The following ZNF652 variants were observed in gnomAD, a reference collection of about 807,000 sequenced individuals.
ZNF652 encodes the protein zinc finger protein 652.
In ZNF652, 16 loss-of-function variants were observed where a neutral mutation model predicts 45.2. That is an observed-to-expected ratio of 0.35 (90% CI 0.24 to 0.54). The LOEUF (loss-of-function observed/expected upper bound fraction) is 0.54. Ranked by LOEUF, ZNF652 falls within the 20% of genes least tolerant of loss-of-function variation. The pLI, the probability that ZNF652 is intolerant of heterozygous loss-of-function variation, is 0.91. For synonymous variants in ZNF652, 250 were observed against 260.6 expected, an observed-to-expected ratio of 0.96 and a Z score of 0.39; for missense variants, 614 against 765.6, an observed-to-expected ratio of 0.80 and a Z score of 2.34.
At position 49,292,480 on chromosome 17, in the gene ZNF652, A is replaced by G. The variant is rs1196158618; in HGVS notation, c.*5933T>C. Among the ~76,000 whole-genome samples the G allele has an allele frequency of 6.6e-6, 1 of 152,234 alleles. No individual in the cohort carries two copies. Among genetic ancestry groups the G allele is most frequent in the Non-Finnish European group, 1.5e-5 (1 of 68,036 alleles). On this transcript the variant is annotated 3_prime_UTR_variant, in exon 6 of 6. Coordinates refer to ENST00000430262, the MANE Select transcript of ZNF652 (RefSeq NM_001145365.3). ...ACAGAAGTTTTTGAGGGACAGGGCC[A>G]TGAGAGAGCAGAAACCCAGGGAGCA...
chr17:49,324,804 G>A (rs987656787), intron 1 of ZNF652, among the ~76,000 whole-genome samples: 3 of 138,656 alleles, frequency 2.2e-5, no homozygotes, highest in Admixed American at 7.6e-5. Context: ...GCAGTGGTGC[G>A]ACCTCAGCTC....
At chr17:49,326,747 T>C (rs2069960014) in intron 1 of ZNF652, among the ~76,000 whole-genome samples, 1 of 152,214 alleles carries the variant, frequency 6.6e-6, no homozygotes, top group Non-Finnish European at 1.5e-5. Flanking sequence ...ACAGGAGTAC[T>C]TATTTTTATT....
intron 1 of ZNF652, among the ~76,000 whole-genome samples, chr17:49,347,053 G>A (rs2070212184): frequency 6.6e-6 from 1 of 152,174 alleles, no homozygotes; most frequent in Admixed American, 6.5e-5. Context: ...AGTATCAAAG[G>A]ATTAATAAGA....
At chr17:49,362,260 G>A (rs2070409203), upstream of ZNF652, 1 of 149,506 alleles carries the variant, frequency 6.7e-6, no homozygotes, top group Non-Finnish European at 1.5e-5. Flanking sequence ...CGGCGGCGAG[G>A]ACGCGCGCGC....
intron 1 of ZNF652, among the ~76,000 whole-genome samples, chr17:49,352,340 A>T (rs1224081709): frequency 6.6e-6 from 1 of 152,120 alleles, no homozygotes; most frequent in Non-Finnish European, 1.5e-5. Context: ...CTTATAATAT[A>T]TCCAAAATAA....
At chr17:49,312,097 T>TA in intron 3 of ZNF652, 55 bp from the exon 4 acceptor site, 1 of 1,143,194 alleles carries the variant, frequency 8.7e-7, no homozygotes, top group Non-Finnish European at 1.2e-6. Flanking sequence ...AAGCTCAAAC[T>TA]AAAAAGGCAT....
At chr17:49,353,734 T>C (rs28618326) in intron 1 of ZNF652, among the ~76,000 whole-genome samples, 64,903 of 152,046 alleles carry the variant, frequency 0.43, 14,207 homozygotes, top group East Asian at 0.48. Flanking sequence ...GGTGTAGGTA[T>C]GAATGTGAAT....
At chr17:49,341,431 T>C (rs1218616329) in intron 1 of ZNF652, among the ~76,000 whole-genome samples, 2 of 132,528 alleles carry the variant, frequency 1.5e-5, no homozygotes, top group African/African-American at 2.9e-5. Flanking sequence ...GGTGGAAAGA[T>C]CACTTGAGCC....
In ZNF652 at chr17:49,297,489, T is replaced by C. The variant is rs926099175; in HGVS notation, c.*924A>G. ...TGCACTAACGAAGCCAAGCAGAACA[T>C]GGAGGACAGGAGCACATTAGGGAGC... is the stretch of plus-strand genomic sequence containing the variant. On this transcript the variant is annotated 3_prime_UTR_variant, in exon 6 of 6. Coordinates refer to ENST00000430262, the MANE Select transcript of ZNF652 (RefSeq NM_001145365.3). The C allele has an allele frequency of 6.6e-6, 1 of 152,432 alleles. No homozygotes were observed. The highest frequency in any genetic ancestry group is 1.5e-5 in the Non-Finnish European group (1 of 68,030). The allele number at this position is 152,432 out of a possible 1,614,324, so 9.4% of individuals were successfully genotyped here. A position where few individuals can be genotyped will look rare whatever the true frequency, so the allele number is the denominator to read the frequency against.
chr17:49,342,416 G>C (rs1034422353), intron 1 of ZNF652, among the ~76,000 whole-genome samples: 6 of 152,000 alleles, frequency 3.9e-5, no homozygotes, highest in Non-Finnish European at 7.4e-5. Context: ...GTTAAGACCA[G>C]AACAGCTTTT....
chr17:49,290,240 A>G lies in ZNF652; in HGVS notation c.*8173T>C, dbSNP rs1364133402. 6.6e-6 allele frequency: 1 copy of G among 152,206 alleles called. No individual in the cohort carries two copies. The highest frequency in any genetic ancestry group is 2.4e-5 in the African/African-American group (1 of 41,436). 9.4% of individuals were successfully genotyped at this position (152,206 alleles called of 1,614,324 possible). ...AATGCCTCCCGGCTCTACAGGGGGT[A>G]ATATTTACTGTCGTCTTTTCCCTTC... is the stretch of plus-strand genomic sequence containing the variant. On this transcript the variant is annotated 3_prime_UTR_variant, in exon 6 of 6. Coordinates refer to ENST00000430262, the MANE Select transcript of ZNF652 (RefSeq NM_001145365.3).
chr17:49,302,784 A>G (rs2069572458), intron 5 of ZNF652, among the ~76,000 whole-genome samples: 1 of 151,782 alleles, frequency 6.6e-6, no homozygotes, highest in Non-Finnish European at 1.5e-5. Flanking sequence ...CAACATGGTG[A>G]AACTCCATCT....
chr17:49,350,993 ATATATATATATATATATATATACACACAC>A (rs2070268617), intron 1 of ZNF652, among the ~76,000 whole-genome samples: 1 of 21,324 alleles, frequency 4.7e-5, no homozygotes, highest in African/African-American at 1.8e-4. Flanking sequence ...ATATATATAT[ATATATATATATATATATATATACACACAC>A]ACACACACAC....
At chr17:49,334,889 T>A (rs982703280) in intron 1 of ZNF652, among the ~76,000 whole-genome samples, 1 of 152,006 alleles carries the variant, frequency 6.6e-6, no homozygotes, top group Non-Finnish European at 1.5e-5. Flanking sequence ...CCTAGTTGTA[T>A]GACTCTATTT....
chr17:49,327,061 T>C (rs891887500), intron 1 of ZNF652, among the ~76,000 whole-genome samples: 13 of 152,196 alleles, frequency 8.5e-5, no homozygotes, highest in Non-Finnish European at 1.0e-4. Flanking sequence ...ACTGAAACGC[T>C]TGGTAAATTC....
At chr17:49,337,847 T>C (rs1468286605) in intron 1 of ZNF652, among the ~76,000 whole-genome samples, 6 of 152,182 alleles carry the variant, frequency 3.9e-5, no homozygotes, top group Admixed American at 2.0e-4. Flanking sequence ...ATTATCTACA[T>C]GCAAAGTACC....
chr17:49,305,423 G>A (rs1014358097), intron 5 of ZNF652, among the ~76,000 whole-genome samples: 1 of 151,530 alleles, frequency 6.6e-6, no homozygotes, highest in African/African-American at 2.4e-5. Flanking sequence ...CTCCAGCCTG[G>A]GTGACACAGC....
Position 49,290,715 on chromosome 17 carries a change from G to A in ZNF652, c.*7698C>T, listed in dbSNP as rs190398813. 4 of 152,124 alleles carry A rather than the reference G, an allele frequency of 2.6e-5. No individual in the cohort carries two copies. The highest frequency in any genetic ancestry group is 2.1e-4 in the South Asian group (1 of 4,826). The allele number at this position is 152,124 out of a possible 1,614,324, so 9.4% of individuals were successfully genotyped here. A position where few individuals can be genotyped will look rare whatever the true frequency, so the allele number is the denominator to read the frequency against. On this transcript the variant is annotated 3_prime_UTR_variant, in exon 6 of 6. Coordinates refer to ENST00000430262, the MANE Select transcript of ZNF652 (RefSeq NM_001145365.3). ...TTAATTAAGATGCCTGACCCACAAG[G>A]ACTCCACACCCACACATCAATCATT...
rs1229674263 is a variant in ZNF652, at chr17:49,294,632, G to C, written c.*3781C>G. On this transcript the variant is annotated 3_prime_UTR_variant, in exon 6 of 6. Coordinates refer to ENST00000430262, the MANE Select transcript of ZNF652 (RefSeq NM_001145365.3). ...ATATTTTACTGATAAATCTATGAGA[G>C]AAAATAGAAAAATAAAAACGAAACA... The C allele has an allele frequency of 6.6e-6, 1 of 151,972 alleles. No individual in the cohort carries two copies. Among genetic ancestry groups the C allele is most frequent in the Non-Finnish European group, 1.5e-5 (1 of 67,982 alleles). 9.4% of individuals were successfully genotyped at this position (151,972 alleles called of 1,614,324 possible). A position where few individuals can be genotyped will look rare whatever the true frequency, so the allele number is the denominator to read the frequency against.
Sources: allele counts gnomAD v4.1 joint callset (sites outside exome capture counted in the v4.1 genomes callset), GRCh38; gene constraint gnomAD v4.1.1; transcripts MANE v1.5; gene names NCBI Gene and HGNC (gene_info 2026-07-23, HGNC 2026-07-21).